FANCA: variants seen among roughly 807,000 people sequenced by gnomAD.
FANCA encodes the protein FA complementation group A, also known as Fanconi anemia group A protein.
A neutral mutation model predicts 194.3 loss-of-function variants in FANCA; 236 were observed. The observed-to-expected ratio is 1.21, with a 90% CI of 1.09 to 1.35. The LOEUF (loss-of-function observed/expected upper bound fraction) is 1.35, where lower values mean the gene tolerates loss of function less well. Among genes scored for constraint, FANCA ranks in the 40% most tolerant of loss-of-function variants. The pLI is 0.00. For synonymous variants in FANCA, 1,014 were observed against 715.8 expected, an observed-to-expected ratio of 1.42 and a Z score of -6.65; for missense variants, 2,628 against 1,813.9, an observed-to-expected ratio of 1.45 and a Z score of -8.15.
At chr16:89,753,559 G>C (rs1028136637) in intron 30 of FANCA, among the ~76,000 whole-genome samples, 1 of 152,164 alleles carries the variant, frequency 6.6e-6, no homozygotes, top group Non-Finnish European at 1.5e-5. Flanking sequence ...AAAAGCACTT[G>C]ACGAAATGTG....
chr16:89,816,222 G>A (rs1233209986), intron 1 of FANCA: 1 of 521,830 alleles, frequency 1.9e-6, no homozygotes, highest in Admixed American at 3.0e-5. Flanking sequence ...CGGCTGGCGA[G>A]GGGCGGCCTC....
In FANCA at chr16:89,742,685, C is replaced by G. The variant is rs1399117556; in HGVS notation, c.3765+115G>C. The G allele has an allele frequency of 3.9e-5, 36 of 918,012 alleles. No individual in the cohort carries two copies. In the Admixed American group the frequency reaches 7.1e-4, roughly 18 times the overall value. 56.9% of individuals were successfully genotyped at this position (918,012 alleles called of 1,614,324 possible). A position where few individuals can be genotyped will look rare whatever the true frequency, so the allele number is the denominator to read the frequency against. Reference sequence around the variant, plus strand: ...AAAAAAAAAAAAAAAAAGTCTTGCTCCAAGCCACATATTTGTCTTTAGAAA... The same window carrying G: ...AAAAAAAAAAAAAAAAAGTCTTGCTGCAAGCCACATATTTGTCTTTAGAAA... On this transcript the variant is annotated intron_variant, in intron 37 of 42. Coordinates refer to ENST00000389301, the MANE Select transcript of FANCA (RefSeq NM_000135.4).
At chr16:89,798,498 A>G (rs934472661) in intron 10 of FANCA, 3 of 1,103,978 alleles carry the variant, frequency 2.7e-6, no homozygotes, top group Non-Finnish European at 3.3e-6. Flanking sequence ...CAAGGCCTGG[A>G]AACAGTGGCA....
chr16:89,798,760 T>G (rs2040335461), intron 10 of FANCA: 3 of 1,377,594 alleles, frequency 2.2e-6, no homozygotes, highest in East Asian at 5.6e-5. Flanking sequence ...GCAGCGGGAG[T>G]CTGTAGAGGC....
chr16:89,770,878 C>T (rs964953604), intron 23 of FANCA, among the ~76,000 whole-genome samples: 1 of 152,142 alleles, frequency 6.6e-6, no homozygotes, highest in Non-Finnish European at 1.5e-5. Flanking sequence ...GCGGGACTGG[C>T]AAACCTTGTG....
intron 38 of FANCA, 195 bp downstream of exon 38, chr16:89,740,609 C>G: frequency 3.3e-6 from 2 of 597,300 alleles, no homozygotes; most frequent in Non-Finnish European, 6.0e-6. Flanking sequence ...GCACTCCAGC[C>G]TGGGTGACAG....
intron 5 of FANCA, among the ~76,000 whole-genome samples, chr16:89,809,201 C>T (rs893754222): frequency 2.6e-5 from 4 of 151,764 alleles, no homozygotes; most frequent in African/African-American, 7.3e-5. Context: ...CCACTGGGCC[C>T]GGCCCCTAAC....
At chr16:89,808,569 T>C (rs1220208488) in intron 5 of FANCA, among the ~76,000 whole-genome samples, 3 of 152,182 alleles carry the variant, frequency 2.0e-5, no homozygotes, top group African/African-American at 4.8e-5. Flanking sequence ...TCCCTGGCCT[T>C]TGGGCACCCA....
intron 8 of FANCA, among the ~76,000 whole-genome samples, chr16:89,803,036 T>A (rs901161273): frequency 3.3e-5 from 5 of 152,198 alleles, no homozygotes; most frequent in Non-Finnish European, 5.9e-5. Context: ...AACTGCAACA[T>A]GTGAAATGTT....
rs529357199 is a variant in FANCA at position 89,803,904 on chromosome 16, T to C, written c.710-563A>G. Among the ~76,000 whole-genome samples the C allele has an allele frequency of 1.5e-4, 23 of 152,078 alleles. No homozygotes were observed. In the South Asian group the frequency reaches 4.4e-3, roughly 29 times the overall value. On this transcript the variant is annotated intron_variant, in intron 7 of 42. Transcript: ENST00000389301. ...AAAGTGCTGGGATTACTGGCATGAG[T>C]CACCCCACCCAGCCCAATTTTTTTC...
At chr16:89,787,000 G>T (rs1443313198) in intron 14 of FANCA, among the ~76,000 whole-genome samples, 1 of 152,174 alleles carries the variant, frequency 6.6e-6, no homozygotes, top group African/African-American at 2.4e-5. Flanking sequence ...GCCGCAGCAG[G>T]AACAGTCCAG....
intron 10 of FANCA, among the ~76,000 whole-genome samples, chr16:89,796,353 C>T (rs892336001): frequency 2.6e-5 from 4 of 152,212 alleles, no homozygotes; most frequent in Non-Finnish European, 2.9e-5. Flanking sequence ...AGTGGAGCCC[C>T]GGGAGCCAAC....
intron 27 of FANCA, among the ~76,000 whole-genome samples, chr16:89,765,921 G>C (rs186496829): frequency 2.0e-5 from 3 of 152,300 alleles, no homozygotes; most frequent in South Asian, 2.1e-4. Context: ...ATCTGGAAAG[G>C]GGCCAGGAAT....
At chr16:89,779,065 C>T (rs36204979) in intron 18 of FANCA, 62 bp from the exon 19 acceptor site, 23 of 1,512,416 alleles carry the variant, frequency 1.5e-5, no homozygotes, top group East Asian at 6.8e-5. Context: ...TTCCCACAGA[C>T]GGTGACCGGT....
chr16:89,782,762 G>A, intron 17 of FANCA, 97 bp downstream of exon 17: 1 of 1,109,256 alleles, frequency 9.0e-7, no homozygotes, highest in East Asian at 2.4e-5. Flanking sequence ...CATGAGACTG[G>A]GAAGGCTGAA....
At chr16:89,814,351 G>A (rs1053295213) in intron 3 of FANCA, among the ~76,000 whole-genome samples, 169 bp downstream of exon 3, 2 of 152,200 alleles carry the variant, frequency 1.3e-5, no homozygotes, top group Non-Finnish European at 2.9e-5. Context: ...AGCATCGTAA[G>A]AAGCCCAAGA....
At chr16:89,740,530 GGA>G in intron 38 of FANCA, 1 of 512,162 alleles carries the variant, frequency 2.0e-6, no homozygotes, top group Non-Finnish European at 3.5e-6. Flanking sequence ...CAGCTACTCG[GGA>G]GGCTGATGCA....
At chr16:89,783,910 C>T (rs1049861603) in intron 15 of FANCA, among the ~76,000 whole-genome samples, 3 of 152,148 alleles carry the variant, frequency 2.0e-5, no homozygotes, top group African/African-American at 4.8e-5. Flanking sequence ...ACTACGCGCG[C>T]GCTACCACGC....
At chr16:89,813,361 T>C (rs564174718) in intron 3 of FANCA, among the ~76,000 whole-genome samples, 5 of 151,580 alleles carry the variant, frequency 3.3e-5, no homozygotes, top group African/African-American at 7.3e-5. Context: ...TGAGCCGTGA[T>C]TGCACCACGG....
Sources: allele counts gnomAD v4.1 joint callset (sites outside exome capture counted in the v4.1 genomes callset), GRCh38; gene constraint gnomAD v4.1.1; transcripts MANE v1.5; gene names NCBI Gene and HGNC (gene_info 2026-07-23, HGNC 2026-07-21).